Variants in EFHB observed in about 807,000 individuals in gnomAD.
EFHB encodes the protein EF-hand domain-containing family member B.
In EFHB, 91 loss-of-function variants were observed where a neutral mutation model predicts 87.2. That is an observed-to-expected ratio of 1.04 (90% CI 0.88 to 1.24). EFHB has a LOEUF of 1.24. Among genes scored for constraint, EFHB ranks in the 50% most tolerant of loss-of-function variants. EFHB has a pLI of 0.00. For missense variants in EFHB, 1,084 were observed against 998.8 expected (o/e 1.09, Z -1.15); for synonymous variants, 325 against 333.6 (o/e 0.97, Z 0.28).
At chr3:19,888,887 A>C (rs1487671079) in intron 9 of EFHB, among the ~76,000 whole-genome samples, 2 of 152,182 alleles carry the variant, frequency 1.3e-5, no homozygotes, top group Non-Finnish European at 2.9e-5. Flanking sequence ...AGCTCTCTAC[A>C]ATTTTTATCC....
At chr3:19,917,666 G>A (rs1414106015) in intron 4 of EFHB, among the ~76,000 whole-genome samples, 1 of 152,144 alleles carries the variant, frequency 6.6e-6, no homozygotes, top group Non-Finnish European at 1.5e-5. Flanking sequence ...GGGAAGAATG[G>A]CCTGTGATCA....
At chr3:19,898,239 G>A (rs1694550310) in intron 8 of EFHB, among the ~76,000 whole-genome samples, 1 of 152,188 alleles carries the variant, frequency 6.6e-6, no homozygotes, top group African/African-American at 2.4e-5. Flanking sequence ...CTGGCTGGTA[G>A]GAAAAGAGTG....
intron 5 of EFHB, among the ~76,000 whole-genome samples, chr3:19,910,343 G>C (rs529405703): frequency 6.6e-6 from 1 of 152,212 alleles, no homozygotes; most frequent in East Asian, 1.9e-4. Context: ...GGTGGCGGTG[G>C]CTACCCAGTG....
intron 5 of EFHB, among the ~76,000 whole-genome samples, chr3:19,909,484 T>A (rs2125140688): frequency 6.6e-6 from 1 of 152,312 alleles, no homozygotes; most frequent in Admixed American, 6.5e-5. Context: ...AAAGGCAGTC[T>A]AGGCCATAAG....
intron 1 of EFHB, among the ~76,000 whole-genome samples, chr3:19,943,951 G>A (rs1696216473): frequency 6.6e-6 from 1 of 152,192 alleles, no homozygotes; most frequent in African/African-American, 2.4e-5. Flanking sequence ...AGACTACTTC[G>A]ATATGTAACA....
intron 4 of EFHB, 114 bp downstream of exon 4, chr3:19,918,118 T>G: frequency 1.8e-6 from 2 of 1,128,788 alleles, no homozygotes; most frequent in Non-Finnish European, 2.5e-6. Flanking sequence ...CTTTCCTTCT[T>G]GAGTCATCGT....
At chr3:19,930,809 C>A (rs753530879) in intron 1 of EFHB, among the ~76,000 whole-genome samples, 15 of 152,124 alleles carry the variant, frequency 9.9e-5, no homozygotes, top group African/African-American at 2.6e-4. Context: ...CTATGTTGCC[C>A]AGGCTGATGA....
intron 5 of EFHB, among the ~76,000 whole-genome samples, chr3:19,911,841 T>C (rs1175233811): frequency 6.6e-6 from 1 of 152,144 alleles, no homozygotes; most frequent in Non-Finnish European, 1.5e-5. Flanking sequence ...CCAAGCATGG[T>C]GGCTCACATT....
rs990691623 is a variant in EFHB, at chr3:19,914,107, C to T, written c.1288+1196G>A. On this transcript the variant is annotated intron_variant, in intron 5 of 12. Coordinates refer to ENST00000295824, the MANE Select transcript of EFHB (RefSeq NM_144715.4). ...TACAGACACGCACCACCATGCCTGA[C>T]TAATTTTTTAATTTATTTTTTGTAG... is the stretch of plus-strand genomic sequence containing the variant. 3.9e-4 allele frequency among the ~76,000 whole-genome samples: 60 copies of T among 152,252 alleles called. No homozygotes were observed. The Middle Eastern group carries it at 0.01, about 26-fold the overall frequency.
chr3:19,884,458 G>A lies in EFHB; in HGVS notation c.2091C>T (p.Tyr697=), dbSNP rs183131232. 6.2e-7 allele frequency: 1 copy of A among 1,613,920 alleles called. No homozygotes were observed. Among genetic ancestry groups the A allele is most frequent in the Non-Finnish European group, 8.5e-7 (1 of 1,179,882 alleles). The change falls in exon 11 of 13, where the codon TAC becomes TAT. Residue 697 remains tyrosine, a synonymous_variant. Coordinates refer to ENST00000295824, the MANE Select transcript of EFHB (RefSeq NM_144715.4). The stretch of plus-strand genomic sequence containing the variant: ...TGATCTCAGAAGAAGTTGTCTTATA[G>A]TAGTTGGAAACTTTATCACTTGGTC... ...LLRPSDKVSN[Y]YKTTSSEINA...
chr3:19,937,792 T>C (rs1696057266), upstream of EFHB, among the ~76,000 whole-genome samples: 1 of 152,166 alleles, frequency 6.6e-6, no homozygotes, highest in African/African-American at 2.4e-5. Flanking sequence ...GGCATATTTG[T>C]GGTATTTTAC....
chr3:19,932,540 C>T (rs970060180), intron 1 of EFHB, among the ~76,000 whole-genome samples: 5 of 152,152 alleles, frequency 3.3e-5, no homozygotes, highest in African/African-American at 1.2e-4. Context: ...CTCATTCTTT[C>T]TTCAGACAAA....
intron 4 of EFHB, among the ~76,000 whole-genome samples, chr3:19,916,399 C>T (rs1476026906): frequency 6.6e-6 from 1 of 151,946 alleles, no homozygotes; most frequent in Admixed American, 6.6e-5. Context: ...CCTGTAATCC[C>T]AGCTACTCGG....
At chr3:19,926,333 TG>T (rs960789942) in intron 1 of EFHB, among the ~76,000 whole-genome samples, 12 of 65,776 alleles carry the variant, frequency 1.8e-4, no homozygotes, top group East Asian at 4.4e-4. Flanking sequence ...TTGGTTTTTT[TG>T]GGGTTTTTTT....
intron 1 of EFHB, among the ~76,000 whole-genome samples, chr3:19,926,427 A>C (rs1368208663): frequency 6.6e-6 from 1 of 151,900 alleles, no homozygotes; most frequent in Non-Finnish European, 1.5e-5. Flanking sequence ...GCAGTGGCGC[A>C]ATCTCGGCTC....
At chr3:19,895,550 T>G (rs2125127537) in intron 9 of EFHB, among the ~76,000 whole-genome samples, 1 of 152,280 alleles carries the variant, frequency 6.6e-6, no homozygotes, top group South Asian at 2.1e-4. Context: ...TGATCATCTT[T>G]CCTTTAATTA....
At chr3:19,899,586 C>G (rs1211998658) in intron 6 of EFHB, 71 bp from the exon 7 acceptor site, 3 of 1,082,562 alleles carry the variant, frequency 2.8e-6, no homozygotes, top group Non-Finnish European at 3.9e-6. Flanking sequence ...ATACATAAGG[C>G]GAAGAATACC....
chr3:19,930,162 G>A (rs1441472457), intron 1 of EFHB, among the ~76,000 whole-genome samples: 1 of 152,118 alleles, frequency 6.6e-6, no homozygotes, highest in Non-Finnish European at 1.5e-5. Context: ...ATTGTGTTAA[G>A]GTGATAAGAT....
intron 5 of EFHB, among the ~76,000 whole-genome samples, chr3:19,908,272 C>T (rs1694906247): frequency 6.6e-6 from 1 of 152,078 alleles, no homozygotes; most frequent in African/African-American, 2.4e-5. Context: ...GTGGCTCACG[C>T]CTGTAATCCT....
Sources: allele counts gnomAD v4.1 joint callset (sites outside exome capture counted in the v4.1 genomes callset), GRCh38; gene constraint gnomAD v4.1.1; transcripts MANE v1.5; gene names NCBI Gene and HGNC (gene_info 2026-07-23, HGNC 2026-07-21).